KCNJ10: variants seen among roughly 807,000 people sequenced by gnomAD.
KCNJ10 encodes the protein potassium inwardly rectifying channel subfamily J member 10.
KCNJ10 carries 9 observed loss-of-function variants against 22.2 expected under a neutral mutation model. The ratio of observed to expected loss-of-function variants is 0.40; its 90% CI spans 0.24 to 0.71. The LOEUF (loss-of-function observed/expected upper bound fraction) is 0.71. Ranked by LOEUF, KCNJ10 falls within the 30% of genes least tolerant of loss-of-function variation. The pLI is 0.35. For synonymous variants in KCNJ10, 184 were observed against 187.3 expected (o/e 0.98, Z 0.15); for missense variants, 337 against 482.7 (o/e 0.70, Z 2.83).
Position 160,040,328 on chromosome 1 carries a change from A to C in KCNJ10, c.*1065T>G. On this transcript the variant is annotated 3_prime_UTR_variant, in exon 2 of 2. Transcript: ENST00000644903. ...GTGGGATTGTGTTAACTTTCTGGGG[A>C]ATCTGTGCCCTGTGAATCTAGTTTT... The C allele has an allele frequency of 2.6e-6, 1 of 387,158 alleles. No homozygotes were observed. Among genetic ancestry groups the C allele is most frequent in the East Asian group, 3.7e-5 (1 of 27,390 alleles). The allele number at this position is 387,158 out of a possible 1,614,324, so 24.0% of individuals were successfully genotyped here. A position where few individuals can be genotyped will look rare whatever the true frequency, so the allele number is the denominator to read the frequency against.
chr1:160,069,345 A>G (rs1649397918), intron 1 of KCNJ10, among the ~76,000 whole-genome samples: 1 of 152,166 alleles, frequency 6.6e-6, no homozygotes, highest in Non-Finnish European at 1.5e-5. Flanking sequence ...ATAGAACCCA[A>G]TCTGCCCTTC....
Position 160,040,531 on chromosome 1 carries a change from T to C in KCNJ10, c.*862A>G. The C allele has an allele frequency of 2.5e-6, 1 of 398,706 alleles. No homozygotes were observed. The highest frequency in any genetic ancestry group is 4.4e-6 in the Non-Finnish European group (1 of 226,128). 24.7% of individuals were successfully genotyped at this position (398,706 alleles called of 1,614,324 possible). A position where few individuals can be genotyped will look rare whatever the true frequency, so the allele number is the denominator to read the frequency against. On this transcript the variant is annotated 3_prime_UTR_variant, in exon 2 of 2. Transcript: ENST00000644903. ...CCATGGGGCCTGGGTACTGGACTCT[T>C]TTCAAAGGAACATATTGGCTTGGGT...
chr1:160,061,116 C>T (rs1021871175), intron 1 of KCNJ10, among the ~76,000 whole-genome samples: 6 of 152,132 alleles, frequency 3.9e-5, no homozygotes, highest in Admixed American at 3.9e-4. Flanking sequence ...CCACTCCTTC[C>T]CAAAAAAAGG....
chr1:160,040,608 G>A lies in KCNJ10; in HGVS notation c.*785C>T, dbSNP rs1648577907. 2.5e-6 allele frequency: 1 copy of A among 398,670 alleles called. No homozygotes were observed. The highest frequency in any genetic ancestry group is 1.3e-4 in the South Asian group (1 of 7,866). The allele number at this position is 398,670 out of a possible 1,614,324, so 24.7% of individuals were successfully genotyped here. A position where few individuals can be genotyped will look rare whatever the true frequency, so the allele number is the denominator to read the frequency against. ...CAGATCTTCTCTGGGCTGCCTGGAAGATAGGTTTAAAGGTTTAGATAACAA... is the reference window on the plus strand; with the variant it reads ...CAGATCTTCTCTGGGCTGCCTGGAAAATAGGTTTAAAGGTTTAGATAACAA... On this transcript the variant is annotated 3_prime_UTR_variant, in exon 2 of 2. Coordinates refer to ENST00000644903, the MANE Select transcript of KCNJ10 (RefSeq NM_002241.5).
At chr1:160,060,179 T>C (rs953810598) in intron 1 of KCNJ10, among the ~76,000 whole-genome samples, 13 of 151,874 alleles carry the variant, frequency 8.6e-5, no homozygotes, top group Non-Finnish European at 2.9e-5. Context: ...TTATCCACAT[T>C]CCTCCCTTAA....
intron 1 of KCNJ10, among the ~76,000 whole-genome samples, chr1:160,061,400 CTG>C (rs1484546598): frequency 2.6e-5 from 4 of 152,108 alleles, no homozygotes; most frequent in Non-Finnish European, 2.9e-5. Context: ...GACGGACACA[CTG>C]GACCTGTGCC....
chr1:160,042,669 G>T, intron 1 of KCNJ10, 137 bp from the exon 2 acceptor site: 1 of 889,014 alleles, frequency 1.1e-6, no homozygotes, highest in Non-Finnish European at 1.8e-6. Flanking sequence ...TATTTATTGA[G>T]CACTTGCTAT....
Position 160,040,689 on chromosome 1 carries a change from TTA to T in KCNJ10, c.*702_*703del. 2.5e-6 allele frequency: 1 copy of T among 399,068 alleles called. No individual in the cohort carries two copies. 24.7% of individuals were successfully genotyped at this position (399,068 alleles called of 1,614,324 possible). On this transcript the variant is annotated 3_prime_UTR_variant, in exon 2 of 2. Transcript: ENST00000644903. ...CAGAATCCAGGATAGATATGGGTGG[TTA>T]TATGTTTATGTTTCTTGGGCCAACT...
At chr1:160,059,731 G>A (rs1210348782) in intron 1 of KCNJ10, among the ~76,000 whole-genome samples, 1 of 152,196 alleles carries the variant, frequency 6.6e-6, no homozygotes, top group Non-Finnish European at 1.5e-5. Flanking sequence ...TTCCTTTGAG[G>A]CCGCTGGAAA....
chr1:160,049,683 A>ATATATATATATT (rs1648843244), intron 1 of KCNJ10, among the ~76,000 whole-genome samples: 2 of 88,288 alleles, frequency 2.3e-5, no homozygotes, highest in African/African-American at 1.2e-4. Context: ...ATTTATATAT[A>ATATATATATATT]TATATATATA....
intron 1 of KCNJ10, among the ~76,000 whole-genome samples, chr1:160,060,945 G>T (rs776311514): frequency 6.6e-6 from 1 of 152,202 alleles, no homozygotes; most frequent in Non-Finnish European, 1.5e-5. Context: ...CGTAGCAGGA[G>T]TGGGGCCGGT....
intron 1 of KCNJ10, chr1:160,064,886 A>T (rs970365): frequency 0.1 from 15,234 of 152,318 alleles, 1,055 homozygotes; most frequent in Admixed American, 0.14. Context: ...GTGACCTCAC[A>T]TGTCTGCCAC....
At position 160,056,403 on chromosome 1, in the gene KCNJ10, G is replaced by A. The variant is rs553205160; in HGVS notation, c.-1+13619C>T. On this transcript the variant is annotated intron_variant, in intron 1 of 1. Transcript: ENST00000644903. ...CCTGTGCAGCCCATATTCTAGCCAC[G>A]TGAAACATAGCCTGTGCTCCACTTG... Among the ~76,000 whole-genome samples the A allele has an allele frequency of 3.3e-5, 5 of 152,260 alleles. No homozygotes were observed. In the South Asian group the frequency reaches 8.3e-4, roughly 25 times the overall value.
intron 1 of KCNJ10, among the ~76,000 whole-genome samples, chr1:160,069,468 G>T (rs1649400890): frequency 6.6e-6 from 1 of 152,220 alleles, no homozygotes; most frequent in African/African-American, 2.4e-5. Flanking sequence ...GAGCCACTCA[G>T]AATAGAAGGA....
intron 1 of KCNJ10, among the ~76,000 whole-genome samples, chr1:160,045,166 T>C (rs575882937): frequency 8.5e-5 from 13 of 152,318 alleles, no homozygotes; most frequent in South Asian, 4.1e-4. Context: ...ATGAAGAGAA[T>C]GCTAATCTAA....
chr1:160,056,881 T>C (rs1649053916), intron 1 of KCNJ10, among the ~76,000 whole-genome samples: 1 of 152,192 alleles, frequency 6.6e-6, no homozygotes, highest in South Asian at 2.1e-4. Context: ...TGACTGAGCC[T>C]CAGAATCATC....
In KCNJ10 at chr1:160,052,401, G is replaced by A. The variant is rs552870670; in HGVS notation, c.1-9869C>T. ...GCTCTGTTCTTCTTCCAACCTTGAG[G>A]GCTTACATAATCCTTGCAGTACTTT... is the stretch of plus-strand genomic sequence containing the variant. On this transcript the variant is annotated intron_variant, in intron 1 of 1. Coordinates refer to ENST00000644903, the MANE Select transcript of KCNJ10 (RefSeq NM_002241.5). Among the ~76,000 whole-genome samples, 3 of 152,214 alleles carry A rather than the reference G, an allele frequency of 2.0e-5. No individual in the cohort carries two copies. The East Asian group carries it at 5.8e-4, about 29-fold the overall frequency.
chr1:160,069,430 G>A (rs1342156542), intron 1 of KCNJ10, among the ~76,000 whole-genome samples: 2 of 152,174 alleles, frequency 1.3e-5, no homozygotes, highest in African/African-American at 2.4e-5. Context: ...GAGGGTGAGG[G>A]GCCATGAGGA....
chr1:160,065,829 A>G (rs1649312689), intron 1 of KCNJ10, among the ~76,000 whole-genome samples: 1 of 152,144 alleles, frequency 6.6e-6, no homozygotes, highest in African/African-American at 2.4e-5. Context: ...CATGATGACA[A>G]TTCCAGTGAT....
Sources: allele counts gnomAD v4.1 joint callset (sites outside exome capture counted in the v4.1 genomes callset), GRCh38; gene constraint gnomAD v4.1.1; transcripts MANE v1.5; gene names NCBI Gene and HGNC (gene_info 2026-07-23, HGNC 2026-07-21).